The following COL2A1 variants were observed in gnomAD, a reference collection of about 807,000 sequenced individuals.
COL2A1 encodes the protein collagen type II alpha 1 chain.
In COL2A1, 28 loss-of-function variants were observed where a neutral mutation model predicts 204.5. The observed-to-expected ratio is 0.14, with a 90% CI of 0.10 to 0.19. The LOEUF (loss-of-function observed/expected upper bound fraction) is 0.19, where lower values mean the gene tolerates loss of function less well. Among genes scored for constraint, COL2A1 ranks in the 10% least tolerant of loss-of-function variants. The probability of loss-of-function intolerance (pLI) is 1.00; values close to 1 mark genes in which losing one functional copy is unlikely to be tolerated. For synonymous variants in COL2A1, 708 were observed against 718.7 expected (o/e 0.99, Z 0.24); for missense variants, 1,388 against 2,027.5 (o/e 0.68, Z 6.06).
Position 48,004,446 on chromosome 12 carries a change from C to T in COL2A1, c.-125G>A, listed in dbSNP as rs1263311724. The T allele has an allele frequency of 6.8e-6, 4 of 590,342 alleles. No individual in the cohort carries two copies. The highest frequency in any genetic ancestry group is 9.0e-6 in the Non-Finnish European group (3 of 332,060). The allele number at this position is 590,342 out of a possible 1,614,324, so 36.6% of individuals were successfully genotyped here. A position where few individuals can be genotyped will look rare whatever the true frequency, so the allele number is the denominator to read the frequency against. ...AGGCCCTTGGAGCAGGAGGGGGAAG[C>T]GGGAGACCCGGCAGCCCAGCAGCGC... On this transcript the variant is annotated 5_prime_UTR_variant, in exon 1 of 54. Coordinates refer to ENST00000380518, the MANE Select transcript of COL2A1 (RefSeq NM_001844.5).
chr12:47,990,128 T>G (rs1939637532), intron 16 of COL2A1, among the ~76,000 whole-genome samples: 1 of 152,216 alleles, frequency 6.6e-6, no homozygotes, highest in Non-Finnish European at 1.5e-5. Context: ...CTCAGCCTCC[T>G]GAGTAACTGG....
chr12:47,973,939 C>T, intron 53 of COL2A1, 150 bp downstream of exon 53: 1 of 1,110,986 alleles, frequency 9.0e-7, no homozygotes, highest in Non-Finnish European at 1.3e-6. Flanking sequence ...TCTCACCTGT[C>T]ACTCAGCCTA....
At position 47,977,439 on chromosome 12, in the gene COL2A1, G is replaced by C; in HGVS notation, c.3166-12C>G. ...TCACCACGATCACCCTGTCAGGAGA[G>C]AGGTCTCAGGCTCAGAGAAGAATGT... is the stretch of plus-strand genomic sequence containing the variant. On this transcript the variant is annotated splice_polypyrimidine_tract_variant and intron_variant, in intron 45 of 53. Coordinates refer to ENST00000380518, the MANE Select transcript of COL2A1 (RefSeq NM_001844.5). 6.2e-7 allele frequency: 1 copy of C among 1,605,936 alleles called. No homozygotes were observed.
intron 16 of COL2A1, among the ~76,000 whole-genome samples, chr12:47,992,552 G>A (rs993420519): frequency 2.0e-5 from 3 of 152,172 alleles, no homozygotes; most frequent in Non-Finnish European, 4.4e-5. Flanking sequence ...AGAGTAGCAC[G>A]GTGGTGCTAT....
intron 40 of COL2A1, 78 bp from the exon 41 acceptor site, chr12:47,979,642 T>A: frequency 2.1e-6 from 1 of 479,122 alleles, no homozygotes; most frequent in Non-Finnish European, 4.0e-6. Flanking sequence ...GGGGCGGGGG[T>A]GGTCTCAGAG....
rs564976657 is a variant in COL2A1 at position 47,974,827 on chromosome 12, A to G, written c.3922T>C (p.Leu1308=). The G allele has an allele frequency of 1.2e-6, 2 of 1,614,220 alleles. No homozygotes were observed. Among genetic ancestry groups the G allele is most frequent in the Non-Finnish European group, 1.7e-6 (2 of 1,180,026 alleles). ...YWIDPNQGCT[L]DAMKVFCNME... ...TTGCAGAAAACCTTCATGGCGTCCA[A>G]GGTGCAGCCTTGGTTGGGGTCAATC... Residue 1308 remains leucine (L), a synonymous_variant, in exon 52 of 54, where the codon TTG becomes CTG. Coordinates refer to ENST00000380518, the MANE Select transcript of COL2A1 (RefSeq NM_001844.5).
Position 47,980,436 on chromosome 12 carries a change from A to C in COL2A1, c.2625+118T>G. The C allele has an allele frequency of 3.2e-6, 3 of 931,588 alleles. No homozygotes were observed. The highest frequency in any genetic ancestry group is 5.1e-6 in the Non-Finnish European group (3 of 584,222). 57.7% of individuals were successfully genotyped at this position (931,588 alleles called of 1,614,324 possible). ...TGCCACATGGAAGCTCCTTCTACCA[A>C]CATGGGGGTGTTCCCAGGCCTGCGA... On this transcript the variant is annotated intron_variant, in intron 39 of 53. Transcript: ENST00000380518. This position sits in a 1 kb window ranked among gnomAD's most constrained non-coding sequence, Gnocchi z 4.5.
Position 47,973,271 on chromosome 12 carries a change from G to T in COL2A1, c.*136C>A. 8.5e-7 allele frequency: 1 copy of T among 1,172,184 alleles called. No individual in the cohort carries two copies. The highest frequency in any genetic ancestry group is 1.3e-6 in the Non-Finnish European group (1 of 778,600). 72.6% of individuals were successfully genotyped at this position (1,172,184 alleles called of 1,614,324 possible). A position where few individuals can be genotyped will look rare whatever the true frequency, so the allele number is the denominator to read the frequency against. On this transcript the variant is annotated 3_prime_UTR_variant, in exon 54 of 54. Coordinates refer to ENST00000380518, the MANE Select transcript of COL2A1 (RefSeq NM_001844.5). ...TTAGAAAGAGAGGGGAGAAAAGTCC[G>T]AACTGTGAGAGGGTGGGATGAATGG...
intron 16 of COL2A1, 129 bp downstream of exon 16, chr12:47,992,749 G>C: frequency 3.2e-6 from 3 of 948,886 alleles, no homozygotes; most frequent in Admixed American, 3.9e-5. Flanking sequence ...GGGCACACTG[G>C]GGGTGAATTC....
At position 47,977,379 on chromosome 12, in the gene COL2A1, G is replaced by C. The variant is rs955829877; in HGVS notation, c.3214C>G (p.Pro1072Ala). Residue 1072 changes from proline (P) to alanine (A), a missense_variant, in exon 46 of 54, where the codon CCC becomes GCC. Pro to Ala is a conservative substitution (Grantham distance 27, BLOSUM62 -1). Transcript: ENST00000380518. ...GAVGAPGAPG[P>A]PGSPGPAGPT... ...CCAGCGGGGCCAGGGGAGCCAGGGG[G>C]CCCAGGGGCTCCAGGAGCTCCCACA... 11 of 1,613,574 alleles carry C rather than the reference G, an allele frequency of 6.8e-6. No homozygotes were observed. The highest frequency in any genetic ancestry group is 9.3e-6 in the Non-Finnish European group (11 of 1,179,686).
At chr12:47,984,247 C>T (rs1317097963) in intron 28 of COL2A1, 107 bp from the exon 29 acceptor site, 17 of 1,021,188 alleles carry the variant, frequency 1.7e-5, no homozygotes, top group East Asian at 5.1e-5. Flanking sequence ...CAGACCTCCA[C>T]GGTACCCCAG....
rs780530020 is a variant in COL2A1 at position 47,984,529 on chromosome 12, C to T, written c.1887+17G>A. 19 of 1,613,546 alleles carry T rather than the reference C, an allele frequency of 1.2e-5. No individual in the cohort carries two copies. The highest frequency in any genetic ancestry group is 6.7e-5 in the East Asian group (3 of 44,892). ...CCGGCCAACACCAAGTCATGGGCAG[C>T]GGGGAAGGATACTTACCCTCAGACC... On this transcript the variant is annotated intron_variant, in intron 28 of 53. Coordinates refer to ENST00000380518, the MANE Select transcript of COL2A1 (RefSeq NM_001844.5).
rs1399676515 is a variant in COL2A1, at chr12:47,980,029, G to A, written c.2659C>T (p.Arg887Ter). The A allele has an allele frequency of 1.3e-6, 2 of 1,555,316 alleles. No individual in the cohort carries two copies. Among genetic ancestry groups the A allele is most frequent in the East Asian group, 2.4e-5 (1 of 41,182 alleles). ...PTGVTGPKGARGAQGPPGATG... is the reference protein window; with the variant it reads ...PTGVTGPKGA Reference sequence around the variant, plus strand: ...CTCACCGGGGGGCCTTGGGCACCTCGGGCTCCTTTAGGACCAGTCACTCCA... The same window carrying A: ...CTCACCGGGGGGCCTTGGGCACCTCAGGCTCCTTTAGGACCAGTCACTCCA... Residue 887 changes from arginine (R) to a stop codon, truncating the protein, a stop_gained, in exon 40 of 54, where the codon CGA (arginine) becomes TGA (stop). Transcript: ENST00000380518. LOFTEE classifies it high-confidence loss of function. The surrounding 1 kb of genome is among the most constrained non-coding windows in gnomAD (Gnocchi z 4.5).
chr12:47,993,633 A>G (rs1939810080), intron 14 of COL2A1, 131 bp from the exon 15 acceptor site: 1 of 1,087,602 alleles, frequency 9.2e-7, no homozygotes, highest in Non-Finnish European at 1.4e-6. Flanking sequence ...GTGAGGGACA[A>G]TGCCCTGAGC....
Position 47,975,421 on chromosome 12 carries a change from G to A in COL2A1, c.3782C>T (p.Ser1261Phe), listed in dbSNP as rs370247812. The A allele has an allele frequency of 6.8e-6, 11 of 1,614,096 alleles. No individual in the cohort carries two copies. Among genetic ancestry groups the A allele is most frequent in the Non-Finnish European group, 9.3e-6 (11 of 1,180,036 alleles). ...GATGCTCTCAATCTGGTTGTTGAGG[G>A]ACTTGAGTGTGGCATCCACCTCGGC... is the stretch of plus-strand genomic sequence containing the variant. Reference protein sequence around the residue: ...HDAEVDATLKSLNNQIESIRS... With the variant: ...HDAEVDATLKFLNNQIESIRS... Residue 1261 changes from serine (S) to phenylalanine (F), a missense_variant, in exon 51 of 54, where the codon TCC becomes TTC. Physicochemically the swap from Ser to Phe is radical, Grantham distance 155. Around this residue, in one of 3 missense-constraint regions of COL2A1, gnomAD observed 303 missense variants for 369.2 expected, o/e 0.82. Transcript: ENST00000380518.
chr12:47,976,516 T>C lies in COL2A1; in HGVS notation c.3487A>G (p.Arg1163Gly), dbSNP rs1398724480. 3 of 1,614,102 alleles carry C rather than the reference T, an allele frequency of 1.9e-6. No individual in the cohort carries two copies. Among genetic ancestry groups the C allele is most frequent in the Non-Finnish European group, 2.5e-6 (3 of 1,180,002 alleles). The change falls in exon 49 of 54, where the codon AGA becomes GGA. Residue 1163 changes from arginine (R) to glycine (G), a missense_variant and splice_region_variant. Arg to Gly is a moderately radical substitution (Grantham distance 125, BLOSUM62 -2). Transcript: ENST00000380518. This position sits in a 1 kb window ranked among gnomAD's most constrained non-coding sequence, Gnocchi z 4.3. ...TCTTCCAACTCCATGTCACTTACTCTAGGGCCAGAAGGACCAGCAGGACCA... is the reference window on the plus strand; with the variant it reads ...TCTTCCAACTCCATGTCACTTACTCCAGGGCCAGAAGGACCAGCAGGACCA... Reference protein sequence around the residue: ...ASGPAGPSGPRGPPGPVGPSG... With the variant: ...ASGPAGPSGPGGPPGPVGPSG...
chr12:47,975,198 T>A, intron 51 of COL2A1, 119 bp downstream of exon 51: 1 of 1,293,738 alleles, frequency 7.7e-7, no homozygotes. Context: ...AGGAACCCTC[T>A]GGCGGAAACT....
chr12:47,983,968 G>C, intron 29 of COL2A1, 119 bp downstream of exon 29: 1 of 1,020,878 alleles, frequency 9.8e-7, no homozygotes, highest in East Asian at 2.6e-5. Flanking sequence ...AGTGAGTCTG[G>C]TGTATCAGCT....
chr12:47,986,595 G>T, intron 22 of COL2A1, 152 bp from the exon 23 acceptor site: 1 of 714,988 alleles, frequency 1.4e-6, no homozygotes, highest in Non-Finnish European at 2.4e-6. Context: ...AGCCATGGCA[G>T]GGCAGAGGGA....
Sources: gnomAD v4.1 joint callset for allele counts (sites outside exome capture counted in the v4.1 genomes callset) on GRCh38, gnomAD v4.1.1 for gene constraint, gnomAD v4.1.1 regional missense constraint, Gnocchi (gnomAD v3.1) non-coding constraint, MANE v1.5 for transcripts, NCBI Gene and HGNC (gene_info 2026-07-23, HGNC 2026-07-21) for gene names.